The following EHMT1 variants were observed in gnomAD, a reference collection of about 807,000 sequenced individuals.
EHMT1 encodes the protein euchromatic histone lysine methyltransferase 1.
EHMT1 carries 15 observed loss-of-function variants against 147.2 expected under a neutral mutation model. The ratio of observed to expected loss-of-function variants is 0.10; its 90% confidence interval spans 0.07 to 0.16. The LOEUF (loss-of-function observed/expected upper bound fraction) is 0.16, where lower values mean the gene tolerates loss of function less well. Among genes scored for constraint, EHMT1 ranks in the 10% least tolerant of loss-of-function variants. The probability of loss-of-function intolerance (pLI) is 1.00; values close to 1 mark genes in which losing one functional copy is unlikely to be tolerated. For missense variants in EHMT1, 1,587 were observed against 1,772.4 expected, an observed-to-expected ratio of 0.90 and a Z score of 1.88; for synonymous variants, 795 against 709.6, an observed-to-expected ratio of 1.12 and a Z score of -1.91.
At chr9:137,679,227 G>A (rs530376845) in intron 1 of EHMT1, among the ~76,000 whole-genome samples, 1 of 152,330 alleles carries the variant, frequency 6.6e-6, no homozygotes, top group African/African-American at 2.4e-5. Flanking sequence ...GGGATTACAG[G>A]TGTGAGCCAC....
At chr9:137,663,704 C>T (rs1385074413) in intron 1 of EHMT1, among the ~76,000 whole-genome samples, 1 of 152,146 alleles carries the variant, frequency 6.6e-6, no homozygotes, top group East Asian at 1.9e-4. Context: ...TGTGATTTCC[C>T]ATGCGAGCAC....
chr9:137,788,166 C>A (rs1408248918), intron 15 of EHMT1: 4 of 778,026 alleles, frequency 5.1e-6, no homozygotes, highest in Non-Finnish European at 7.9e-6. Flanking sequence ...CTCCCCACTG[C>A]ACCCCGTACC....
At chr9:137,641,447 C>G (rs1844478179) in intron 1 of EHMT1, 2 of 521,788 alleles carry the variant, frequency 3.8e-6, no homozygotes, top group Non-Finnish European at 7.6e-6. Flanking sequence ...AATGCAGTGC[C>G]TCTTCATCCT....
chr9:137,808,215 G>A (rs909298804), intron 18 of EHMT1, among the ~76,000 whole-genome samples: 11 of 152,042 alleles, frequency 7.2e-5, no homozygotes, highest in African/African-American at 2.4e-4. Context: ...GCTTGTGGCC[G>A]CTAGTGTCCT....
rs573860747 is a variant in EHMT1, at chr9:137,742,780, G to T, written c.824-591G>T. ...TTCCCCTTAGTCACTGGATTGCAGC[G>T]CAAGGAGGATGGTGTTGGGGAGAGG... On this transcript the variant is annotated intron_variant, in intron 4 of 26. Transcript: ENST00000460843. Among the ~76,000 whole-genome samples, 7 of 152,294 alleles carry T rather than the reference G, an allele frequency of 4.6e-5. No individual in the cohort carries two copies. In the East Asian group the frequency reaches 1.4e-3, roughly 29 times the overall value.
chr9:137,658,208 C>T (rs181562481), intron 1 of EHMT1, among the ~76,000 whole-genome samples: 3 of 151,586 alleles, frequency 2.0e-5, no homozygotes, highest in Admixed American at 6.6e-5. Context: ...TGGAGTGCTG[C>T]GGCATGATCT....
At chr9:137,699,950 G>C (rs953878750) in intron 1 of EHMT1, among the ~76,000 whole-genome samples, 1 of 152,198 alleles carries the variant, frequency 6.6e-6, no homozygotes, top group African/African-American at 2.4e-5. Context: ...ATTACATTTA[G>C]AGGAAGAGAC....
At chr9:137,792,344 A>C (rs1273609783) in intron 16 of EHMT1, 1 of 271,692 alleles carries the variant, frequency 3.7e-6, no homozygotes, top group Non-Finnish European at 7.5e-6. Context: ...GATGGTGCTG[A>C]GACAGCTGGA....
intron 1 of EHMT1, among the ~76,000 whole-genome samples, chr9:137,640,465 TG>T (rs933771606): frequency 5.9e-5 from 9 of 152,148 alleles, no homozygotes; most frequent in African/African-American, 2.2e-4. Context: ...TTTGTAAAGA[TG>T]GGGTCTTCCT....
intron 1 of EHMT1, among the ~76,000 whole-genome samples, chr9:137,622,906 C>G (rs376690346): frequency 4.9e-4 from 43 of 87,066 alleles, no homozygotes; most frequent in Admixed American, 4.5e-3. Context: ...AATCCTGTCT[C>G]AAAAAAAAAA....
intron 16 of EHMT1, among the ~76,000 whole-genome samples, chr9:137,794,284 T>G (rs56170653): frequency 0.049 from 7,425 of 152,300 alleles, 600 homozygotes; most frequent in African/African-American, 0.17. Flanking sequence ...TAAACATTTT[T>G]ATAGTTAAAT....
At chr9:137,648,317 CA>C (rs1479855863) in intron 1 of EHMT1, among the ~76,000 whole-genome samples, 1 of 152,044 alleles carries the variant, frequency 6.6e-6, no homozygotes, top group African/African-American at 2.4e-5. Flanking sequence ...AAAACACAGA[CA>C]GTGAAATTCA....
At chr9:137,676,589 A>G (rs976339919) in intron 1 of EHMT1, 5 of 152,430 alleles carry the variant, frequency 3.3e-5, no homozygotes, top group African/African-American at 7.2e-5. Context: ...ATGCCTAGGC[A>G]GATAAAAAGG....
At chr9:137,722,776 CTG>C (rs1564641074) in intron 3 of EHMT1, among the ~76,000 whole-genome samples, 1 of 152,164 alleles carries the variant, frequency 6.6e-6, no homozygotes, top group East Asian at 1.9e-4. Flanking sequence ...GGAGTGTGCT[CTG>C]TATCTGTGGG....
intron 6 of EHMT1, among the ~76,000 whole-genome samples, chr9:137,748,730 T>G (rs1347479533): frequency 1.3e-5 from 2 of 152,256 alleles, no homozygotes; most frequent in Admixed American, 1.3e-4. Flanking sequence ...ATACTTACTT[T>G]GCCATTTGGA....
intron 17 of EHMT1, chr9:137,800,330 GGAA>G (rs1286140102): frequency 1.9e-5 from 3 of 162,058 alleles, no homozygotes; most frequent in Non-Finnish European, 4.1e-5. Flanking sequence ...CTGCCCAGGA[GGAA>G]GCAGGGGCGT....
chr9:137,722,774 CTCTGTA>C (rs1946196558), intron 3 of EHMT1, among the ~76,000 whole-genome samples: 1 of 150,116 alleles, frequency 6.7e-6, no homozygotes, highest in African/African-American at 2.5e-5. Context: ...CCGGAGTGTG[CTCTGTA>C]TCTGTGGGCC....
chr9:137,809,830 G>A (rs989436572), intron 18 of EHMT1, among the ~76,000 whole-genome samples: 4 of 152,280 alleles, frequency 2.6e-5, no homozygotes, highest in African/African-American at 7.2e-5. Flanking sequence ...GTGACTGTGG[G>A]GGAAGGGTCC....
At chr9:137,798,999 A>G (rs1047346513) in intron 17 of EHMT1, 85 bp downstream of exon 17, 1 of 1,149,688 alleles carries the variant, frequency 8.7e-7, no homozygotes, top group Non-Finnish European at 1.3e-6. Flanking sequence ...TCCCACCCCC[A>G]TTCTCCATGG....
Sources: allele counts gnomAD v4.1 joint callset (sites outside exome capture counted in the v4.1 genomes callset), GRCh38; gene constraint gnomAD v4.1.1; transcripts MANE v1.5; gene names NCBI Gene and HGNC (gene_info 2026-07-23, HGNC 2026-07-21).